The following DNAH2 variants were observed in gnomAD, a reference collection of about 807,000 sequenced individuals.
DNAH2 encodes the protein axonemal beta dynein heavy chain 2.
Under a neutral mutation model 523.5 loss-of-function variants are expected in DNAH2, and 323 were observed. That is an observed-to-expected ratio of 0.62 (90% confidence interval 0.56 to 0.68). The LOEUF (loss-of-function observed/expected upper bound fraction) is 0.68, where lower values mean the gene tolerates loss of function less well. Ranked by LOEUF, DNAH2 falls within the 30% of genes least tolerant of loss-of-function variation. The pLI is 0.00. For synonymous variants in DNAH2, 2,093 were observed against 2,177.4 expected, an observed-to-expected ratio of 0.96 and a Z score of 1.08; for missense variants, 4,907 against 5,701.5, an observed-to-expected ratio of 0.86 and a Z score of 4.49.
chr17:7,823,142 T>C (rs1333128089), intron 73 of DNAH2, among the ~76,000 whole-genome samples: 3 of 150,990 alleles, frequency 2.0e-5, no homozygotes, highest in Admixed American at 6.6e-5. Flanking sequence ...AAAAATACAA[T>C]AATTAGCCAG....
At chr17:7,766,634 T>A (rs1169964452) in intron 22 of DNAH2, among the ~76,000 whole-genome samples, 153 bp downstream of exon 22, 1 of 144,722 alleles carries the variant, frequency 6.9e-6, no homozygotes, top group Non-Finnish European at 1.5e-5. Context: ...TACAACAAAA[T>A]TAATCCTTTT....
intron 10 of DNAH2, 90 bp from the exon 11 acceptor site, chr17:7,740,720 G>A: frequency 3.2e-6 from 5 of 1,540,752 alleles, no homozygotes; most frequent in African/African-American, 1.4e-5. Context: ...TGTGACTCCC[G>A]CAGCGGGGTG....
intron 77 of DNAH2, among the ~76,000 whole-genome samples, chr17:7,829,048 CAG>C (rs1327579956): frequency 6.7e-6 from 1 of 149,514 alleles, no homozygotes; most frequent in Admixed American, 6.6e-5. Context: ...TTTTTTGAGA[CAG>C]AGTCTTGCTC....
intron 10 of DNAH2, 37 bp downstream of exon 10, chr17:7,740,586 C>G (rs778392935): frequency 1.2e-6 from 2 of 1,607,658 alleles, no homozygotes; most frequent in Non-Finnish European, 1.7e-6. Flanking sequence ...CTTCCCGTCC[C>G]GCGTGCTTTC....
rs1300130320 is a variant in DNAH2, at chr17:7,824,128, A to G, written c.11486A>G (p.Glu3829Gly). Reference sequence around the variant, plus strand: ...TACCTGTGCTTCTGGCAGGTGCTGGAGGATTCAACCCCACGATCCCCACTC... The same window carrying G: ...TACCTGTGCTTCTGGCAGGTGCTGGGGGATTCAACCCCACGATCCCCACTC... ...PPVLNMKSVL[E>G]DSTPRSPLVF... The change falls in exon 76 of 86, where the codon GAG becomes GGG. Residue 3829 changes from glutamate to glycine, a missense_variant. Physicochemically the swap from Glu to Gly is moderately conservative, Grantham distance 98. This residue lies in a region of DNAH2 where 1,851 missense variants were observed against 2,139.4 expected (regional missense o/e 0.87). Coordinates refer to ENST00000572933, the MANE Select transcript of DNAH2 (RefSeq NM_020877.5). The G allele has an allele frequency of 2.6e-6, 4 of 1,561,542 alleles. No individual in the cohort carries two copies. Among genetic ancestry groups the G allele is most frequent in the Non-Finnish European group, 3.5e-6 (4 of 1,156,174 alleles).
In DNAH2 at chr17:7,798,201, C is replaced by T. The variant is rs765751704; in HGVS notation, c.8275C>T (p.Leu2759Phe). 3.1e-6 allele frequency: 5 copies of T among 1,612,492 alleles called. No homozygotes were observed. The highest frequency in any genetic ancestry group is 1.1e-5 in the South Asian group (1 of 91,016). The change falls in exon 54 of 86, where the codon CTC becomes TTC. Residue 2759 changes from leucine (L) to phenylalanine (F), a missense_variant. Transcript: ENST00000572933. The surrounding 1 kb of genome is among the most constrained non-coding windows in gnomAD (Gnocchi z 5.5). ...RVIGQPRGNM[L>F]LVGIGGSGRQ... Reference sequence around the variant, plus strand: ...CATTGGACAGCCTCGGGGCAACATGCTCCTGGTGGGTATCGGGGGCAGCGG... The same window carrying T: ...CATTGGACAGCCTCGGGGCAACATGTTCCTGGTGGGTATCGGGGGCAGCGG...
intron 5 of DNAH2, 129 bp from the exon 6 acceptor site, chr17:7,734,054 C>T (rs2075068997): frequency 1.3e-6 from 1 of 741,962 alleles, no homozygotes; most frequent in Non-Finnish European, 2.2e-6. Flanking sequence ...CATGAGTCAC[C>T]ATTTCTTCTA....
At chr17:7,792,197 G>T in intron 45 of DNAH2, 55 bp from the exon 46 acceptor site, 6 of 1,604,182 alleles carry the variant, frequency 3.7e-6, no homozygotes, top group Non-Finnish European at 5.1e-6. Context: ...CCGTTCTCTG[G>T]GCTGGAGAAG....
chr17:7,806,274 G>A (rs559874537), intron 61 of DNAH2, among the ~76,000 whole-genome samples: 21 of 152,316 alleles, frequency 1.4e-4, no homozygotes, highest in African/African-American at 4.8e-4. Flanking sequence ...CAGTAGGTTA[G>A]ATGCATTAAA....
intron 8 of DNAH2, chr17:7,737,949 GA>G: frequency 1.4e-6 from 1 of 702,484 alleles, no homozygotes; most frequent in Admixed American, 2.0e-5. Flanking sequence ...AGGCTGTGGG[GA>G]CTCCTTCTGC....
At chr17:7,751,818 G>T (rs546886735) in intron 12 of DNAH2, among the ~76,000 whole-genome samples, 2 of 151,960 alleles carry the variant, frequency 1.3e-5, no homozygotes, top group East Asian at 3.9e-4. Context: ...TCCAAAAATA[G>T]TCTCATTCCT....
chr17:7,771,605 C>CATT (rs2151223379), intron 28 of DNAH2, 137 bp downstream of exon 28: 1 of 913,728 alleles, frequency 1.1e-6, no homozygotes, highest in African/African-American at 1.7e-5. Flanking sequence ...CTCTTCTAAG[C>CATT]ATTAGATCAT....
rs376562758 is a variant in DNAH2 at position 7,817,768 on chromosome 17, C to G, written c.10170-22C>G. 4 of 1,614,004 alleles carry G rather than the reference C, an allele frequency of 2.5e-6. No homozygotes were observed. The African/African-American group carries it at 4.0e-5, about 16-fold the overall frequency. ...GAGCATGGGAGAGAGGGCCTCACCT[C>G]TGACCTGTACTCCCCTTCCAGGTGG... On this transcript the variant is annotated intron_variant, in intron 66 of 85. Transcript: ENST00000572933.
chr17:7,815,565 CACAT>C (rs1438208942), intron 63 of DNAH2, among the ~76,000 whole-genome samples: 24 of 151,772 alleles, frequency 1.6e-4, no homozygotes, highest in Non-Finnish European at 1.5e-5. Context: ...GGATCATACA[CACAT>C]ATACAGGATC....
chr17:7,741,091 G>T, intron 11 of DNAH2, 99 bp downstream of exon 11: 1 of 1,442,414 alleles, frequency 6.9e-7, no homozygotes. Context: ...TTCAGGACCA[G>T]CACCTATGTC....
chr17:7,726,075 G>C (rs1003632192), intron 3 of DNAH2, among the ~76,000 whole-genome samples: 1 of 151,700 alleles, frequency 6.6e-6, no homozygotes, highest in South Asian at 2.1e-4. Flanking sequence ...GTGCAATCTC[G>C]GGTCACTGCA....
chr17:7,742,380 G>A (rs1018330205), intron 11 of DNAH2, among the ~76,000 whole-genome samples: 7 of 152,130 alleles, frequency 4.6e-5, no homozygotes, highest in East Asian at 1.9e-4. Context: ...GCAGTGAGCC[G>A]AGATCGCGCC....
At chr17:7,826,971 TATA>T (rs1042268172) in intron 77 of DNAH2, among the ~76,000 whole-genome samples, 1 of 152,162 alleles carries the variant, frequency 6.6e-6, no homozygotes, top group Admixed American at 6.5e-5. Context: ...TCATTTTCTT[TATA>T]ATGTTTTTCT....
chr17:7,763,708 A>C, intron 18 of DNAH2, 123 bp from the exon 19 acceptor site: 1 of 1,129,750 alleles, frequency 8.9e-7, no homozygotes, highest in Non-Finnish European at 1.3e-6. Flanking sequence ...TGGGAGTAGA[A>C]GAACACTCTA....
Sources: allele counts gnomAD v4.1 joint callset (sites outside exome capture counted in the v4.1 genomes callset), GRCh38; gene constraint gnomAD v4.1.1; regional missense constraint gnomAD v4.1.1; non-coding constraint Gnocchi (gnomAD v3.1); transcripts MANE v1.5; gene names NCBI Gene and HGNC (gene_info 2026-07-23, HGNC 2026-07-21).